USP33: variants seen among roughly 807,000 people sequenced by gnomAD.
The protein encoded by USP33 is ubiquitin specific peptidase 33.
USP33 carries 46 observed loss-of-function variants against 124.2 expected under a neutral mutation model. The ratio of observed to expected loss-of-function variants is 0.37; its 90% CI spans 0.29 to 0.47. USP33 has a LOEUF of 0.47. Ranked by LOEUF, USP33 falls within the 20% of genes least tolerant of loss-of-function variation. The pLI, the probability that USP33 is intolerant of heterozygous loss-of-function variation, is 0.99. For synonymous variants in USP33, 350 were observed against 352.3 expected, an observed-to-expected ratio of 0.99 and a Z score of 0.07; for missense variants, 851 against 1,070.6, an observed-to-expected ratio of 0.79 and a Z score of 2.86.
intron 14 of USP33, 132 bp downstream of exon 14, chr1:77,721,699 C>T (rs1022535568): frequency 2.7e-6 from 2 of 754,448 alleles, no homozygotes; most frequent in Non-Finnish European, 4.2e-6. Flanking sequence ...AGACACTAAC[C>T]GAATGCCAAT....
At chr1:77,753,660 G>A (rs1348564294) in intron 1 of USP33, among the ~76,000 whole-genome samples, 1 of 151,762 alleles carries the variant, frequency 6.6e-6, no homozygotes, top group Non-Finnish European at 1.5e-5. Flanking sequence ...TAAAGTTTCT[G>A]GAGCAAGGCT....
Position 77,736,438 on chromosome 1 carries a change from A to T in USP33, c.352-280T>A, listed in dbSNP as rs188012011. ...ATTTTCTGAATTAAAACTCCACAAT[A>T]ACTGCAATTATGTGACAGTAAACCA... On this transcript the variant is annotated intron_variant, in intron 5 of 23. Coordinates refer to ENST00000370794, the MANE Select transcript of USP33 (RefSeq NM_201624.3). 1.6e-4 allele frequency among the ~76,000 whole-genome samples: 24 copies of T among 152,300 alleles called. No individual in the cohort carries two copies. In the East Asian group the frequency reaches 4.6e-3, roughly 29 times the overall value.
At chr1:77,717,758 C>T (rs2101340909) in intron 17 of USP33, 109 bp downstream of exon 17, 1 of 999,084 alleles carries the variant, frequency 1.0e-6, no homozygotes, top group East Asian at 2.9e-5. Context: ...AAGTGATTCT[C>T]CCACCTCATT....
chr1:77,719,467 T>C (rs1029693931), intron 15 of USP33, among the ~76,000 whole-genome samples: 6 of 152,210 alleles, frequency 3.9e-5, no homozygotes, highest in East Asian at 3.8e-4. Flanking sequence ...CTACTGTCTG[T>C]GGTGTGGCTA....
Position 77,728,726 on chromosome 1 carries a change from A to G in USP33, c.718-14T>C, listed in dbSNP as rs559381579. 8 of 1,604,576 alleles carry G rather than the reference A, an allele frequency of 5.0e-6. No individual in the cohort carries two copies. The highest frequency in any genetic ancestry group is 6.8e-6 in the Non-Finnish European group (8 of 1,176,766). On this transcript the variant is annotated splice_polypyrimidine_tract_variant and intron_variant, in intron 9 of 23. Coordinates refer to ENST00000370794, the MANE Select transcript of USP33 (RefSeq NM_201624.3). ...TTCTTGAGCATCCTAATATATCAGCAACATAATGTTAACCACTTCATTACA... is the reference window on the plus strand; with the variant it reads ...TTCTTGAGCATCCTAATATATCAGCGACATAATGTTAACCACTTCATTACA...
intron 21 of USP33, 140 bp from the exon 22 acceptor site, chr1:77,701,611 C>A: frequency 1.6e-6 from 1 of 638,744 alleles, no homozygotes. Context: ...CCAGGAGTTC[C>A]AAACCAGTCT....
intron 1 of USP33, among the ~76,000 whole-genome samples, chr1:77,753,737 A>G (rs1225866972): frequency 6.6e-6 from 1 of 151,464 alleles, no homozygotes; most frequent in Non-Finnish European, 1.5e-5. Context: ...CTCATCTAAA[A>G]CACTGATCTA....
chr1:77,714,876 T>A, intron 18 of USP33, 93 bp from the exon 19 acceptor site: 1 of 1,252,086 alleles, frequency 8.0e-7, no homozygotes, highest in Non-Finnish European at 1.1e-6. Flanking sequence ...ACACACATAT[T>A]AACACTATCT....
At chr1:77,735,807 G>C (rs1047603705) in intron 6 of USP33, among the ~76,000 whole-genome samples, 1 of 152,030 alleles carries the variant, frequency 6.6e-6, no homozygotes, top group Non-Finnish European at 1.5e-5. Flanking sequence ...ACCTCAAAAG[G>C]CAAGTTAAAC....
rs1184014540 is a variant in USP33 at position 77,696,287 on chromosome 1, T to G, written c.*1030A>C. On this transcript the variant is annotated 3_prime_UTR_variant, in exon 24 of 24. Transcript: ENST00000370794. ...CATTCCACACTTCATGCTCTCAAAATAAAAAGTGCCCTAAAACTAACTCTA... is the reference window on the plus strand; with the variant it reads ...CATTCCACACTTCATGCTCTCAAAAGAAAAAGTGCCCTAAAACTAACTCTA... 1 of 152,612 alleles carries G rather than the reference T, an allele frequency of 6.6e-6. No individual in the cohort carries two copies. Among genetic ancestry groups the G allele is most frequent in the Non-Finnish European group, 1.5e-5 (1 of 68,030 alleles). The allele number at this position is 152,612 out of a possible 1,614,324, so 9.5% of individuals were successfully genotyped here. A position where few individuals can be genotyped will look rare whatever the true frequency, so the allele number is the denominator to read the frequency against.
At chr1:77,702,526 A>G (rs951657967) in intron 21 of USP33, among the ~76,000 whole-genome samples, 1 of 152,176 alleles carries the variant, frequency 6.6e-6, no homozygotes, top group African/African-American at 2.4e-5. Flanking sequence ...GTAAATTCTA[A>G]TAAGTGGTGG....
intron 23 of USP33, 67 bp from the exon 24 acceptor site, chr1:77,697,541 T>G: frequency 1.3e-6 from 2 of 1,497,650 alleles, no homozygotes; most frequent in South Asian, 2.7e-5. Flanking sequence ...GCGTTCATAA[T>G]GTACCCCCCA....
intron 1 of USP33, among the ~76,000 whole-genome samples, chr1:77,752,052 T>G (rs1302179090): frequency 6.6e-6 from 1 of 152,136 alleles, no homozygotes; most frequent in African/African-American, 2.4e-5. Context: ...AGGTTGAAAT[T>G]CTGACCCCTT....
intron 1 of USP33, among the ~76,000 whole-genome samples, chr1:77,746,042 T>G (rs1679709842): frequency 6.6e-6 from 1 of 151,852 alleles, no homozygotes; most frequent in African/African-American, 2.4e-5. Flanking sequence ...AGAGCAGAAC[T>G]GAAGGAAATA....
At chr1:77,751,224 T>C (rs774568082) in intron 1 of USP33, among the ~76,000 whole-genome samples, 8 of 152,238 alleles carry the variant, frequency 5.3e-5, no homozygotes, top group Non-Finnish European at 1.2e-4. Flanking sequence ...CTAACTGGAC[T>C]ACTGGAAGTT....
chr1:77,717,716 C>T, intron 17 of USP33, 151 bp downstream of exon 17: 2 of 506,560 alleles, frequency 3.9e-6, no homozygotes, highest in Non-Finnish European at 6.4e-6. Context: ...CACTATGCTG[C>T]CCAAGCTGGT....
intron 13 of USP33, 44 bp downstream of exon 13, chr1:77,721,979 CA>C: frequency 6.2e-7 from 1 of 1,603,504 alleles, no homozygotes; most frequent in Non-Finnish European, 8.5e-7. Context: ...ACAGCAGAAA[CA>C]GCAGGTTTAA....
rs766633127 is a variant in USP33, at chr1:77,728,431, T to C, written c.999A>G (p.Gln333=). 1.2e-6 allele frequency: 2 copies of C among 1,614,098 alleles called. No individual in the cohort carries two copies. Among genetic ancestry groups the C allele is most frequent in the South Asian group, 2.2e-5 (2 of 91,078 alleles). ...ENNSEMSKDW[Q]KEKMCNKINK... is the part of the protein sequence containing the mutation. ...TAATCTTATTGCACATCTTCTCTTT[T>C]TGCCAATCCTTTGACATTTCTGAAT... Residue 333 remains glutamine, a synonymous_variant, in exon 10 of 24, where the codon CAA becomes CAG. Coordinates refer to ENST00000370794, the MANE Select transcript of USP33 (RefSeq NM_201624.3).
intron 1 of USP33, chr1:77,745,281 T>G (rs1171983634): frequency 6.6e-6 from 1 of 152,242 alleles, no homozygotes; most frequent in Non-Finnish European, 1.5e-5. Context: ...TTGGTAGATC[T>G]TCCTCCATCC....
Sources: allele counts gnomAD v4.1 joint callset (sites outside exome capture counted in the v4.1 genomes callset), GRCh38; gene constraint gnomAD v4.1.1; transcripts MANE v1.5; gene names NCBI Gene and HGNC (gene_info 2026-07-23, HGNC 2026-07-21).